The following SLC30A6 variants were observed in gnomAD, a reference collection of about 807,000 sequenced individuals.
SLC30A6 encodes zinc transporter 6.
Under a neutral mutation model 63.0 loss-of-function variants are expected in SLC30A6, and 55 were observed. That is an observed-to-expected ratio of 0.87 (90% CI 0.70 to 1.09). The LOEUF (loss-of-function observed/expected upper bound fraction) is 1.09, where lower values mean the gene tolerates loss of function less well. Ranked by LOEUF, SLC30A6 falls within the 50% of genes least tolerant of loss-of-function variation. The pLI is 0.00. For synonymous variants in SLC30A6, 224 were observed against 186.1 expected, an observed-to-expected ratio of 1.20 and a Z score of -1.66; for missense variants, 587 against 549.2, an observed-to-expected ratio of 1.07 and a Z score of -0.69.
intron 10 of SLC30A6, chr2:32,203,657 T>C: frequency 6.4e-7 from 1 of 1,563,206 alleles, no homozygotes; most frequent in South Asian, 1.1e-5. Flanking sequence ...GTGTCTCAGA[T>C]TACCAGAATG....
chr2:32,202,345 T>C, intron 10 of SLC30A6: 1 of 362,322 alleles, frequency 2.8e-6, no homozygotes, highest in Non-Finnish European at 5.3e-6. Flanking sequence ...GTTTGTTTGT[T>C]TGTTTGTTTG....
At chr2:32,175,236 CT>C in intron 3 of SLC30A6, 82 bp from the exon 4 acceptor site, 2 of 1,335,562 alleles carry the variant, frequency 1.5e-6, no homozygotes, top group South Asian at 1.2e-5. Context: ...ATGGATACCC[CT>C]GGTAGAAATA....
rs575339835 is a variant in SLC30A6, at chr2:32,221,413, G to A, written c.*700G>A. 1 of 152,346 alleles carries A rather than the reference G, an allele frequency of 6.6e-6. No individual in the cohort carries two copies. Among genetic ancestry groups the A allele is most frequent in the Non-Finnish European group, 1.5e-5 (1 of 68,094 alleles). The allele number at this position is 152,346 out of a possible 1,614,324, so 9.4% of individuals were successfully genotyped here. ...CTGACCTCATGATCCACCCACCTTA[G>A]CCTCCCAAAGTGCTGGGATTAGGTG... On this transcript the variant is annotated 3_prime_UTR_variant, in exon 14 of 14. Coordinates refer to ENST00000282587, the MANE Select transcript of SLC30A6 (RefSeq NM_017964.5).
In SLC30A6 at chr2:32,223,260, A is replaced by G. The variant is rs897564191; in HGVS notation, c.*2547A>G. The stretch of plus-strand genomic sequence containing the variant: ...GAATCACTTGAAGCTAGACAGAGAA[A>G]GAAGTTCAATTTAAATATTTGTCCC... On this transcript the variant is annotated 3_prime_UTR_variant, in exon 14 of 14. Transcript: ENST00000282587. 4 of 152,244 alleles carry G rather than the reference A, an allele frequency of 2.6e-5. No homozygotes were observed. Among genetic ancestry groups the G allele is most frequent in the African/African-American group, 7.2e-5 (3 of 41,464 alleles). 9.4% of individuals were successfully genotyped at this position (152,244 alleles called of 1,614,324 possible).
intron 13 of SLC30A6, among the ~76,000 whole-genome samples, chr2:32,216,418 C>G (rs145779190): frequency 0.023 from 3,526 of 152,118 alleles, 122 homozygotes; most frequent in African/African-American, 0.079. Context: ...GGCCTATAAT[C>G]CCAGCTACTT....
At chr2:32,190,458 C>CAA (rs35454386) in intron 5 of SLC30A6, among the ~76,000 whole-genome samples, 1 of 128,308 alleles carries the variant, frequency 7.8e-6, no homozygotes, top group Non-Finnish European at 1.7e-5. Context: ...GACTCCGTCT[C>CAA]AAAAAAAAAA....
chr2:32,181,951 T>TTC (rs749568502), intron 4 of SLC30A6, among the ~76,000 whole-genome samples: 1 of 149,872 alleles, frequency 6.7e-6, no homozygotes. Context: ...TTTTTTTTTT[T>TTC]TGAGACAGGG....
In SLC30A6 at chr2:32,220,749, C is replaced by T; in HGVS notation, c.*36C>T. 3 of 1,553,128 alleles carry T rather than the reference C, an allele frequency of 1.9e-6. No homozygotes were observed. Among genetic ancestry groups the T allele is most frequent in the Non-Finnish European group, 2.6e-6 (3 of 1,149,092 alleles). On this transcript the variant is annotated 3_prime_UTR_variant, in exon 14 of 14. Coordinates refer to ENST00000282587, the MANE Select transcript of SLC30A6 (RefSeq NM_017964.5). The stretch of plus-strand genomic sequence containing the variant: ...CTTATTTTTATAAGGAATATTGACT[C>T]CTTGGCTTCCAATTTATTTAGTAAT...
chr2:32,191,684 A>C (rs1318287049), intron 5 of SLC30A6, among the ~76,000 whole-genome samples: 1 of 152,180 alleles, frequency 6.6e-6, no homozygotes, highest in African/African-American at 2.4e-5. Context: ...ATATGACTCT[A>C]AACAGTTACT....
chr2:32,180,238 C>T (rs1682174306), intron 4 of SLC30A6, among the ~76,000 whole-genome samples: 1 of 151,950 alleles, frequency 6.6e-6, no homozygotes, highest in Non-Finnish European at 1.5e-5. Flanking sequence ...CTCTTCTCTA[C>T]AAAAAATTTT....
At position 32,220,902 on chromosome 2, in the gene SLC30A6, A is replaced by G; in HGVS notation, c.*189A>G. The G allele has an allele frequency of 3.5e-6, 2 of 578,686 alleles. No homozygotes were observed. Among genetic ancestry groups the G allele is most frequent in the Non-Finnish European group, 5.9e-6 (2 of 340,286 alleles). 35.8% of individuals were successfully genotyped at this position (578,686 alleles called of 1,614,324 possible). A position where few individuals can be genotyped will look rare whatever the true frequency, so the allele number is the denominator to read the frequency against. On this transcript the variant is annotated 3_prime_UTR_variant, in exon 14 of 14. Coordinates refer to ENST00000282587, the MANE Select transcript of SLC30A6 (RefSeq NM_017964.5). ...ATTTGTGACAGTGAAATCCTCGTAA[A>G]TGTTAAAGGCTTTAAATAGGCTTCC...
chr2:32,176,314 A>T (rs1017531570), intron 4 of SLC30A6, among the ~76,000 whole-genome samples: 3 of 152,084 alleles, frequency 2.0e-5, no homozygotes, highest in African/African-American at 7.2e-5. Flanking sequence ...ATTTGAGTAT[A>T]CCTGTGTCGC....
intron 5 of SLC30A6, among the ~76,000 whole-genome samples, chr2:32,190,900 T>A (rs1683269693): frequency 1.3e-5 from 2 of 152,188 alleles, no homozygotes; most frequent in South Asian, 4.1e-4. Flanking sequence ...TGGGATTGCA[T>A]GTGTGAGTCA....
At chr2:32,216,340 A>C (rs1036114742) in intron 13 of SLC30A6, among the ~76,000 whole-genome samples, 5 of 152,156 alleles carry the variant, frequency 3.3e-5, no homozygotes, top group Admixed American at 6.5e-5. Flanking sequence ...GTTCAAGACC[A>C]GCCTGGCCAA....
At chr2:32,206,155 G>A (rs1558416319) in intron 11 of SLC30A6, among the ~76,000 whole-genome samples, 1 of 151,904 alleles carries the variant, frequency 6.6e-6, no homozygotes, top group African/African-American at 2.4e-5. Flanking sequence ...TGAATAGAAA[G>A]GCAGTTTCCG....
intron 5 of SLC30A6, among the ~76,000 whole-genome samples, chr2:32,189,249 T>G (rs1683102697): frequency 6.6e-6 from 1 of 151,966 alleles, no homozygotes; most frequent in Non-Finnish European, 1.5e-5. Context: ...GAGTTGCATT[T>G]GCTTCCTGTC....
At chr2:32,206,322 T>G (rs1684770091) in intron 11 of SLC30A6, among the ~76,000 whole-genome samples, 1 of 151,938 alleles carries the variant, frequency 6.6e-6, no homozygotes, top group Non-Finnish European at 1.5e-5. Flanking sequence ...GGCGAGTGCC[T>G]GTAGTCCCAG....
intron 8 of SLC30A6, among the ~76,000 whole-genome samples, chr2:32,197,133 C>T (rs1459303198): frequency 6.6e-6 from 1 of 152,140 alleles, no homozygotes; most frequent in Non-Finnish European, 1.5e-5. Context: ...TTCAGGTCAA[C>T]TGTATATTGT....
intron 12 of SLC30A6, among the ~76,000 whole-genome samples, chr2:32,208,142 T>G (rs1684944416): frequency 6.6e-6 from 1 of 151,322 alleles, no homozygotes; most frequent in Non-Finnish European, 1.5e-5. Flanking sequence ...TGTTTTTTGT[T>G]TTTTTTGAGA....
Sources: gnomAD v4.1 joint callset for allele counts (sites outside exome capture counted in the v4.1 genomes callset) on GRCh38, gnomAD v4.1.1 for gene constraint, MANE v1.5 for transcripts, NCBI Gene and HGNC (gene_info 2026-07-23, HGNC 2026-07-21) for gene names.